ZNF143: variants seen among roughly 807,000 people sequenced by gnomAD.
ZNF143 encodes SPH-binding factor.
In ZNF143, 49 loss-of-function variants were observed where a neutral mutation model predicts 74.1. The ratio of observed to expected loss-of-function variants is 0.66; its 90% CI spans 0.53 to 0.84. The LOEUF is 0.84. ZNF143 is among the 40% of genes least tolerant of loss of function. The pLI is 0.00. For missense variants in ZNF143, 637 were observed against 793.4 expected, an observed-to-expected ratio of 0.80 and a Z score of 2.37; for synonymous variants, 304 against 282.8, an observed-to-expected ratio of 1.07 and a Z score of -0.75.
In ZNF143 at chr11:9,485,428, A is replaced by G. The variant is rs1207170162; in HGVS notation, c.645+5882A>G. ...AGTGGCACAATCTTGGCTCATTGCA[A>G]CCTCTGCCTCCCAGATTCAAGTGAT... is the stretch of plus-strand genomic sequence containing the variant. On this transcript the variant is annotated intron_variant, in intron 7 of 15. Transcript: ENST00000396602. 1.4e-5 allele frequency among the ~76,000 whole-genome samples: 2 copies of G among 147,906 alleles called. 1 individual carries two copies. The highest frequency in any genetic ancestry group is 5.1e-5 in the African/African-American group (2 of 38,998).
chr11:9,492,766 A>C (rs1032457867), intron 7 of ZNF143, among the ~76,000 whole-genome samples: 2 of 152,198 alleles, frequency 1.3e-5, no homozygotes, highest in Admixed American at 6.5e-5. Context: ...TGAGTTATGA[A>C]GGCATATAAG....
intron 15 of ZNF143, among the ~76,000 whole-genome samples, chr11:9,526,265 G>T (rs908021756): frequency 6.6e-6 from 1 of 151,320 alleles, no homozygotes; most frequent in Non-Finnish European, 1.5e-5. Flanking sequence ...GAGGTGGAAG[G>T]ATCACTTGAG....
At chr11:9,464,722 T>G (rs1333943612) in intron 1 of ZNF143, among the ~76,000 whole-genome samples, 1 of 151,682 alleles carries the variant, frequency 6.6e-6, no homozygotes, top group African/African-American at 2.4e-5. Flanking sequence ...GAGTTCAAGA[T>G]GAGCCCGACC....
At chr11:9,486,442 A>C (rs1255961436) in intron 7 of ZNF143, among the ~76,000 whole-genome samples, 1 of 43,844 alleles carries the variant, frequency 2.3e-5, no homozygotes, top group East Asian at 4.5e-4. Context: ...TATATATAAT[A>C]TATTATATAT....
At chr11:9,494,942 A>G (rs1221090073) in intron 8 of ZNF143, among the ~76,000 whole-genome samples, 177 bp downstream of exon 8, 1 of 152,172 alleles carries the variant, frequency 6.6e-6, no homozygotes, top group Non-Finnish European at 1.5e-5. Context: ...GAGACTGTTA[A>G]TTTTTTGAGG....
intron 7 of ZNF143, among the ~76,000 whole-genome samples, chr11:9,491,635 C>G (rs1389236597): frequency 6.7e-6 from 1 of 149,568 alleles, no homozygotes; most frequent in Non-Finnish European, 1.5e-5. Flanking sequence ...GAGACTCCGT[C>G]TCAAAAAAAA....
chr11:9,526,855 C>T (rs1176493968), intron 15 of ZNF143, among the ~76,000 whole-genome samples: 1 of 152,152 alleles, frequency 6.6e-6, no homozygotes, highest in South Asian at 2.1e-4. Flanking sequence ...GACGGAGTCT[C>T]GCTCTGTCAC....
At chr11:9,521,420 G>T (rs1848922282) in intron 14 of ZNF143, among the ~76,000 whole-genome samples, 1 of 152,152 alleles carries the variant, frequency 6.6e-6, no homozygotes. Context: ...GGTTAGGCTT[G>T]CCTCATAAAA....
chr11:9,504,421 GT>G, intron 11 of ZNF143, among the ~76,000 whole-genome samples: 1 of 126,206 alleles, frequency 7.9e-6, no homozygotes, highest in Non-Finnish European at 1.9e-5. Context: ...AGATATATTA[GT>G]TACAGATATT....
intron 11 of ZNF143, among the ~76,000 whole-genome samples, chr11:9,507,465 C>T (rs1157299838): frequency 6.6e-6 from 1 of 152,154 alleles, no homozygotes; most frequent in Non-Finnish European, 1.5e-5. Flanking sequence ...TCCCTTCACC[C>T]ATACCACTAC....
rs564671028 is a variant in ZNF143, at chr11:9,516,441, A to G, written c.1686+79A>G. ...TTACATAGGTATGCAATGTGGTACA[A>G]CAGTTAAGCACACAAACTTGGGAGT... On this transcript the variant is annotated intron_variant, in intron 14 of 15. Coordinates refer to ENST00000396602, the MANE Select transcript of ZNF143 (RefSeq NM_003442.6). 8 of 1,296,276 alleles carry G rather than the reference A, an allele frequency of 6.2e-6. No individual in the cohort carries two copies. The East Asian group carries it at 1.0e-4, about 17-fold the overall frequency. 80.3% of individuals were successfully genotyped at this position (1,296,276 alleles called of 1,614,324 possible). A position where few individuals can be genotyped will look rare whatever the true frequency, so the allele number is the denominator to read the frequency against.
intron 15 of ZNF143, among the ~76,000 whole-genome samples, 184 bp from the exon 16 acceptor site, chr11:9,527,346 A>G (rs937250826): frequency 1.3e-5 from 2 of 152,230 alleles, no homozygotes; most frequent in Non-Finnish European, 2.9e-5. Flanking sequence ...ATTGCATTGC[A>G]TTATTCTCCC....
intron 6 of ZNF143, 115 bp downstream of exon 6, chr11:9,478,701 G>A (rs1019500389): frequency 2.4e-6 from 3 of 1,270,562 alleles, no homozygotes; most frequent in Admixed American, 2.4e-5. Flanking sequence ...AATTTTGGCT[G>A]GGCATGGCGT....
intron 7 of ZNF143, among the ~76,000 whole-genome samples, chr11:9,485,118 T>C (rs911471858): frequency 2.0e-5 from 3 of 150,944 alleles, no homozygotes; most frequent in African/African-American, 7.4e-5. Flanking sequence ...TTTAAGATAA[T>C]ATTTTTAGTG....
At chr11:9,510,004 A>G (rs1848484142) in intron 12 of ZNF143, among the ~76,000 whole-genome samples, 1 of 152,200 alleles carries the variant, frequency 6.6e-6, no homozygotes, top group Admixed American at 6.5e-5. Context: ...GAGTCTTTTT[A>G]GTTAGAAAGC....
At chr11:9,462,640 G>A (rs1224120062) in intron 1 of ZNF143, among the ~76,000 whole-genome samples, 9 of 152,040 alleles carry the variant, frequency 5.9e-5, no homozygotes, top group African/African-American at 7.2e-5. Context: ...TTGGGAGGCC[G>A]AGGCCAGCGG....
At chr11:9,478,626 C>A (rs1337721214) in intron 6 of ZNF143, 40 bp downstream of exon 6, 1 of 1,552,180 alleles carries the variant, frequency 6.4e-7, no homozygotes, top group Non-Finnish European at 8.8e-7. Flanking sequence ...GCAGATATAG[C>A]TTCTTTATTT....
At chr11:9,486,429 T>TTA (rs1298757760) in intron 7 of ZNF143, among the ~76,000 whole-genome samples, 13 of 45,216 alleles carry the variant, frequency 2.9e-4, no homozygotes, top group African/African-American at 6.0e-4. Context: ...ATTATATATA[T>TTA]TATATATATA....
intron 1 of ZNF143, 108 bp from the exon 2 acceptor site, chr11:9,471,194 C>T (rs1856544517): frequency 2.3e-6 from 2 of 882,264 alleles, no homozygotes; most frequent in Non-Finnish European, 3.4e-6. Flanking sequence ...ATCTTATTTC[C>T]AACACCATTA....
Sources: allele counts gnomAD v4.1 joint callset (sites outside exome capture counted in the v4.1 genomes callset), GRCh38; gene constraint gnomAD v4.1.1; transcripts MANE v1.5; gene names NCBI Gene and HGNC (gene_info 2026-07-23, HGNC 2026-07-21).